B4GALT5: variants seen among roughly 807,000 people sequenced by gnomAD.
B4GALT5 encodes the protein UDP-Gal:beta-GlcNAc beta-1,4-galactosyltransferase 5.
In B4GALT5, 11 loss-of-function variants were observed where a neutral mutation model predicts 45.0. That is an observed-to-expected ratio of 0.24 (90% CI 0.15 to 0.40). B4GALT5 has a LOEUF of 0.40. Among genes scored for constraint, B4GALT5 ranks in the 10% least tolerant of loss-of-function variants. B4GALT5 has a pLI of 1.00. For synonymous variants in B4GALT5, 185 were observed against 182.9 expected (o/e 1.01, Z -0.09); for missense variants, 337 against 500.2 (o/e 0.67, Z 3.11).
chr20:49,702,944 C>CG (rs1458655750), intron 1 of B4GALT5, among the ~76,000 whole-genome samples: 1 of 151,698 alleles, frequency 6.6e-6, no homozygotes, highest in African/African-American at 2.4e-5. Context: ...GAGGCTGAGG[C>CG]GGGCGGATCA....
At chr20:49,665,750 G>A (rs1334733341) in intron 1 of B4GALT5, among the ~76,000 whole-genome samples, 2 of 148,586 alleles carry the variant, frequency 1.3e-5, no homozygotes, top group East Asian at 3.9e-4. Flanking sequence ...ATCATATTGG[G>A]AGCAGGGGCC....
chr20:49,645,152 C>T lies in B4GALT5; in HGVS notation c.365-1502G>A, dbSNP rs190185748. ...AGCTTCTCAGGAGGCTGAGGCAGGACGATTGCTCCCTGAAGTTGGAGACCA... is the reference window on the plus strand; with the variant it reads ...AGCTTCTCAGGAGGCTGAGGCAGGATGATTGCTCCCTGAAGTTGGAGACCA... On this transcript the variant is annotated intron_variant, in intron 3 of 8. Transcript: ENST00000371711. Among the ~76,000 whole-genome samples, 1,083 of 151,954 alleles carry T rather than the reference C, an allele frequency of 7.1e-3. 6 individuals are homozygous for T. The highest frequency in any genetic ancestry group is 0.011 in the Non-Finnish European group (748 of 67,926).
At chr20:49,646,485 C>T (rs1323244082) in intron 3 of B4GALT5, among the ~76,000 whole-genome samples, 1 of 152,128 alleles carries the variant, frequency 6.6e-6, no homozygotes, top group Non-Finnish European at 1.5e-5. Context: ...TACCATTGAG[C>T]TACAATTACT....
At chr20:49,701,867 C>A (rs528078457) in intron 1 of B4GALT5, among the ~76,000 whole-genome samples, 2 of 152,148 alleles carry the variant, frequency 1.3e-5, no homozygotes, top group South Asian at 4.1e-4. Context: ...GTGTTCAAGA[C>A]CAGCCTGACC....
intron 7 of B4GALT5, among the ~76,000 whole-genome samples, chr20:49,638,236 T>C (rs1208251876): frequency 1.3e-5 from 2 of 152,158 alleles, no homozygotes; most frequent in Non-Finnish European, 2.9e-5. Flanking sequence ...CAGACTGGTC[T>C]TGAACTCCTG....
intron 1 of B4GALT5, among the ~76,000 whole-genome samples, chr20:49,661,784 A>G (rs1400137651): frequency 6.6e-6 from 1 of 152,208 alleles, no homozygotes. Flanking sequence ...ACAAATTACA[A>G]TGCAGTGTGG....
At chr20:49,670,808 A>G (rs2085712915) in intron 1 of B4GALT5, among the ~76,000 whole-genome samples, 1 of 152,210 alleles carries the variant, frequency 6.6e-6, no homozygotes, top group Non-Finnish European at 1.5e-5. Flanking sequence ...ACAAATTGAT[A>G]TAACCTCTAG....
intron 1 of B4GALT5, among the ~76,000 whole-genome samples, chr20:49,679,617 A>G (rs1035946959): frequency 6.6e-6 from 1 of 151,704 alleles, no homozygotes; most frequent in African/African-American, 2.4e-5. Context: ...CGGAGGTTGC[A>G]GTGAGCCGAG....
chr20:49,690,549 C>CA (rs1254506773), intron 1 of B4GALT5, among the ~76,000 whole-genome samples: 86 of 111,908 alleles, frequency 7.7e-4, no homozygotes, highest in South Asian at 1.0e-3. Flanking sequence ...AACTCTAACT[C>CA]AAAAAAAAAA....
At chr20:49,644,593 G>A (rs557871603) in intron 3 of B4GALT5, among the ~76,000 whole-genome samples, 13 of 152,306 alleles carry the variant, frequency 8.5e-5, no homozygotes, top group Non-Finnish European at 1.3e-4. Flanking sequence ...AAATGCTACT[G>A]AAACAATGAA....
chr20:49,680,529 A>G (rs2085759578), intron 1 of B4GALT5, among the ~76,000 whole-genome samples: 1 of 152,232 alleles, frequency 6.6e-6, no homozygotes, highest in African/African-American at 2.4e-5. Context: ...ATATGATTCC[A>G]TTTATCTGAG....
chr20:49,699,386 A>C (rs1187885111), intron 1 of B4GALT5, among the ~76,000 whole-genome samples: 2 of 151,636 alleles, frequency 1.3e-5, no homozygotes, highest in Non-Finnish European at 2.9e-5. Context: ...AAAAAAAAAA[A>C]AAACCCCACT....
At chr20:49,679,816 A>G (rs906197020) in intron 1 of B4GALT5, among the ~76,000 whole-genome samples, 2 of 152,238 alleles carry the variant, frequency 1.3e-5, no homozygotes, top group African/African-American at 4.8e-5. Flanking sequence ...GTTATCAGGC[A>G]AAGAATGAAT....
chr20:49,707,550 A>G (rs1355579942), intron 1 of B4GALT5, among the ~76,000 whole-genome samples: 1 of 152,066 alleles, frequency 6.6e-6, no homozygotes, highest in Non-Finnish European at 1.5e-5. Flanking sequence ...TTGAATGGGG[A>G]AAATCTGAAA....
chr20:49,684,629 G>A (rs750323532), intron 1 of B4GALT5: 1 of 518,898 alleles, frequency 1.9e-6, no homozygotes, highest in South Asian at 1.4e-5. Context: ...CGCAAAATCA[G>A]CAAGTGCCAT....
intron 1 of B4GALT5, among the ~76,000 whole-genome samples, chr20:49,673,618 T>C (rs1439903133): frequency 6.6e-6 from 1 of 152,190 alleles, no homozygotes; most frequent in African/African-American, 2.4e-5. Flanking sequence ...GACTGGATAT[T>C]AGAAAGTATT....
At chr20:49,712,913 T>G in intron 1 of B4GALT5, among the ~76,000 whole-genome samples, 5 of 131,500 alleles carry the variant, frequency 3.8e-5, no homozygotes, top group South Asian at 2.6e-4. Flanking sequence ...TGGACCTCTG[T>G]AAGGGGAAGG....
intron 1 of B4GALT5, among the ~76,000 whole-genome samples, chr20:49,657,734 T>C (rs778342010): frequency 1.3e-5 from 2 of 152,162 alleles, no homozygotes; most frequent in East Asian, 1.9e-4. Flanking sequence ...ACATCTGGCC[T>C]TGGGATGTGG....
intron 1 of B4GALT5, among the ~76,000 whole-genome samples, chr20:49,694,962 C>G (rs1447932974): frequency 6.6e-6 from 1 of 152,180 alleles, no homozygotes; most frequent in African/African-American, 2.4e-5. Flanking sequence ...TCTACCACTT[C>G]ACAATAACTC....
Sources: allele counts gnomAD v4.1 joint callset (sites outside exome capture counted in the v4.1 genomes callset), GRCh38; gene constraint gnomAD v4.1.1; transcripts MANE v1.5; gene names NCBI Gene and HGNC (gene_info 2026-07-23, HGNC 2026-07-21).